SH3GL2: variants seen among roughly 807,000 people sequenced by gnomAD.
SH3GL2 encodes SH3 domain containing GRB2 like 2, endophilin A1, also known as endophilin-A1.
SH3GL2 carries 24 observed loss-of-function variants against 46.0 expected under a neutral mutation model. The ratio of observed to expected loss-of-function variants is 0.52; its 90% CI spans 0.38 to 0.73. The LOEUF is 0.73. Ranked by LOEUF, SH3GL2 falls within the 30% of genes least tolerant of loss-of-function variation. The probability of loss-of-function intolerance (pLI) is 0.00; values close to 1 mark genes in which losing one functional copy is unlikely to be tolerated. For missense variants in SH3GL2, 413 were observed against 424.2 expected (o/e 0.97, Z 0.23); for synonymous variants, 196 against 147.1 (o/e 1.33, Z -2.40).
At chr9:17,672,303 T>A (rs1820494904) in intron 1 of SH3GL2, among the ~76,000 whole-genome samples, 1 of 152,134 alleles carries the variant, frequency 6.6e-6, no homozygotes. Flanking sequence ...CAATATCATA[T>A]CTGTGTACCA....
chr9:17,658,454 C>G (rs2117865818), intron 1 of SH3GL2, among the ~76,000 whole-genome samples: 1 of 152,252 alleles, frequency 6.6e-6, no homozygotes, highest in South Asian at 2.1e-4. Flanking sequence ...TCACATTGGA[C>G]TTGTGGAAGA....
intron 1 of SH3GL2, among the ~76,000 whole-genome samples, chr9:17,609,568 G>C (rs1298878359): frequency 6.6e-6 from 1 of 152,182 alleles, no homozygotes; most frequent in Admixed American, 6.5e-5. Context: ...CTGATCTCTA[G>C]AAGGGAAGCT....
intron 1 of SH3GL2, among the ~76,000 whole-genome samples, chr9:17,722,051 T>C (rs1474957843): frequency 1.3e-5 from 2 of 152,076 alleles, no homozygotes; most frequent in Non-Finnish European, 2.9e-5. Flanking sequence ...TCTACGTTGC[T>C]ATATCCACTT....
Position 17,670,286 on chromosome 9 carries a change from C to A in SH3GL2, c.46-76780C>A, listed in dbSNP as rs190139749. 6.1e-3 allele frequency among the ~76,000 whole-genome samples: 930 copies of A among 152,288 alleles called. 14 individuals carry two copies. The highest frequency in any genetic ancestry group is 0.021 in the African/African-American group (876 of 41,562). The stretch of plus-strand genomic sequence containing the variant: ...TCCTTATCTATGTTTGCAGTCTGAT[C>A]TTCCAGGCTACTCTTTGTTAGAAAA... On this transcript the variant is annotated intron_variant, in intron 1 of 8. Transcript: ENST00000380607.
chr9:17,637,572 G>A (rs1819569107), intron 1 of SH3GL2, among the ~76,000 whole-genome samples: 1 of 152,194 alleles, frequency 6.6e-6, no homozygotes, highest in Admixed American at 6.5e-5. Context: ...CAAGGAAATA[G>A]TGGCAACAAC....
At chr9:17,629,089 T>C (rs1819361328) in intron 1 of SH3GL2, among the ~76,000 whole-genome samples, 1 of 152,026 alleles carries the variant, frequency 6.6e-6, no homozygotes. Context: ...TGTTGACCTT[T>C]ATAGTAGGAG....
At chr9:17,627,333 G>T (rs1467546) in intron 1 of SH3GL2, among the ~76,000 whole-genome samples, 123,679 of 151,914 alleles carry the variant, frequency 0.81, 50,600 homozygotes, top group Middle Eastern at 0.88. Context: ...TAGCTTGATC[G>T]TTGGGGAATA....
chr9:17,764,102 G>C (rs947822651), intron 3 of SH3GL2, among the ~76,000 whole-genome samples: 3 of 152,172 alleles, frequency 2.0e-5, no homozygotes. Flanking sequence ...TTTGAGAGTT[G>C]AATGGACATC....
rs149590195 is a variant in SH3GL2, at chr9:17,748,735, T to G, written c.114+1601T>G. ...TCGTAGTCTAGTGGGGAGGGCAAAC[T>G]TGGGGCAAGTAATGACCAGCGTGGC... On this transcript the variant is annotated intron_variant, in intron 2 of 8. Transcript: ENST00000380607. 6.5e-4 allele frequency among the ~76,000 whole-genome samples: 99 copies of G among 152,218 alleles called. 1 individual carries two copies. The East Asian group carries it at 9.1e-3, about 14-fold the overall frequency.
intron 1 of SH3GL2, among the ~76,000 whole-genome samples, chr9:17,641,410 G>A (rs1288507279): frequency 6.6e-6 from 1 of 152,090 alleles, no homozygotes; most frequent in Non-Finnish European, 1.5e-5. Context: ...ATTTGTCCAT[G>A]CTAAAACATG....
chr9:17,672,849 A>G (rs1213159697), intron 1 of SH3GL2, among the ~76,000 whole-genome samples: 1 of 152,118 alleles, frequency 6.6e-6, no homozygotes, highest in African/African-American at 2.4e-5. Context: ...TGACTTCCAA[A>G]TGCATACCTC....
chr9:17,627,380 G>A (rs1053851458), intron 1 of SH3GL2, among the ~76,000 whole-genome samples: 9 of 152,062 alleles, frequency 5.9e-5, no homozygotes, highest in East Asian at 3.9e-4. Context: ...ATCCCTAACC[G>A]CTTTGCTGGG....
At chr9:17,683,895 G>C (rs1400669220) in intron 1 of SH3GL2, among the ~76,000 whole-genome samples, 1 of 152,056 alleles carries the variant, frequency 6.6e-6, no homozygotes, top group South Asian at 2.1e-4. Context: ...CCTAAATTCA[G>C]CTCTCAACTC....
intron 1 of SH3GL2, among the ~76,000 whole-genome samples, chr9:17,708,248 T>C (rs1821525486): frequency 1.3e-5 from 2 of 152,160 alleles, no homozygotes; most frequent in African/African-American, 2.4e-5. Context: ...CCTTTCATTT[T>C]TCCCTTCATT....
chr9:17,587,566 G>T lies in SH3GL2; in HGVS notation c.45+8279G>T, dbSNP rs75636432. Among the ~76,000 whole-genome samples the T allele has an allele frequency of 7.2e-5, 11 of 152,128 alleles. No homozygotes were observed. The East Asian group carries it at 2.1e-3, about 29-fold the overall frequency. ...ACTATCCATGGTAGATTTGAGTAAT[G>T]AAATTTCTTCATAAACTTAGTAGGC... On this transcript the variant is annotated intron_variant, in intron 1 of 8. Transcript: ENST00000380607.
At chr9:17,712,010 A>G (rs533792024) in intron 1 of SH3GL2, among the ~76,000 whole-genome samples, 1 of 151,898 alleles carries the variant, frequency 6.6e-6, no homozygotes, top group East Asian at 1.9e-4. Flanking sequence ...CCACTCTGAT[A>G]GGTGTGCAGT....
At chr9:17,638,430 A>G (rs1819597314) in intron 1 of SH3GL2, among the ~76,000 whole-genome samples, 1 of 152,196 alleles carries the variant, frequency 6.6e-6, no homozygotes, top group African/African-American at 2.4e-5. Context: ...CTTACAGTAG[A>G]GAGAGACAAA....
intron 1 of SH3GL2, among the ~76,000 whole-genome samples, chr9:17,613,975 C>G (rs138102482): frequency 3.3e-5 from 5 of 152,108 alleles, no homozygotes; most frequent in Non-Finnish European, 5.9e-5. Flanking sequence ...TGGTCACTTT[C>G]TAAAGGGTTT....
Position 17,741,178 on chromosome 9 carries a change from T to TG in SH3GL2, c.46-5887dup, listed in dbSNP as rs1325555919. 3.2e-4 allele frequency among the ~76,000 whole-genome samples: 49 copies of TG among 152,312 alleles called. 1 individual carries two copies. The highest frequency in any genetic ancestry group is 1.1e-3 in the African/African-American group (46 of 41,582). ...TATAGAATGTTAATTAAAGTAATTC[T>TG]GTTTTAATATGAGTAAAATTATGGT... On this transcript the variant is annotated intron_variant, in intron 1 of 8. Transcript: ENST00000380607.
Sources: allele counts gnomAD v4.1 joint callset (sites outside exome capture counted in the v4.1 genomes callset), GRCh38; gene constraint gnomAD v4.1.1; transcripts MANE v1.5; gene names NCBI Gene and HGNC (gene_info 2026-07-23, HGNC 2026-07-21).